Variants in CFH observed in about 807,000 individuals in gnomAD.
CFH encodes the protein H factor 1 (complement).
CFH carries 53 observed loss-of-function variants against 147.3 expected under a neutral mutation model. That is an observed-to-expected ratio of 0.36 (90% CI 0.29 to 0.45). The LOEUF (loss-of-function observed/expected upper bound fraction) is 0.45, where lower values mean the gene tolerates loss of function less well. Ranked by LOEUF, CFH falls within the 20% of genes least tolerant of loss-of-function variation. The pLI, the probability that CFH is intolerant of heterozygous loss-of-function variation, is 1.00. For synonymous variants in CFH, 536 were observed against 489.4 expected (o/e 1.10, Z -1.26); for missense variants, 1,380 against 1,498.0 (o/e 0.92, Z 1.30).
intron 11 of CFH, among the ~76,000 whole-genome samples, chr1:196,717,422 A>G (rs1668897015): frequency 2.0e-5 from 3 of 152,168 alleles, no homozygotes. Flanking sequence ...TAATATCATT[A>G]TCAAAGTGAT....
At chr1:196,655,997 A>G (rs1412884716) in intron 1 of CFH, among the ~76,000 whole-genome samples, 2 of 152,220 alleles carry the variant, frequency 1.3e-5, no homozygotes, top group African/African-American at 4.8e-5. Flanking sequence ...TGGAAATGTA[A>G]TAGATAGAAA....
intron 6 of CFH, among the ~76,000 whole-genome samples, chr1:196,683,479 T>C (rs754845919): frequency 3.3e-5 from 5 of 151,722 alleles, no homozygotes; most frequent in Non-Finnish European, 5.9e-5. Flanking sequence ...AATTATAAAA[T>C]GGTATTTTAA....
At chr1:196,677,244 G>T in intron 4 of CFH, 1 of 447,372 alleles carries the variant, frequency 2.2e-6, no homozygotes, top group Non-Finnish European at 4.0e-6. Context: ...AGCTAGCATT[G>T]AAAGTAGTAA....
rs192401081 is a variant in CFH, at chr1:196,658,136, T to A, written c.58+5961T>A. 2.0e-3 allele frequency among the ~76,000 whole-genome samples: 311 copies of A among 152,202 alleles called. 4 individuals are homozygous for A. Among genetic ancestry groups the A allele is most frequent in the African/African-American group, 6.9e-3 (288 of 41,540 alleles). On this transcript the variant is annotated intron_variant, in intron 1 of 21. Coordinates refer to ENST00000367429, the MANE Select transcript of CFH (RefSeq NM_000186.4). ...TATTGATTTTTAGCTTTGACCAAAA[T>A]TATATAACTATTTTCCTCAAATTAT...
intron 11 of CFH, among the ~76,000 whole-genome samples, chr1:196,718,725 A>G (rs1573058524): frequency 1.3e-5 from 2 of 152,102 alleles, no homozygotes; most frequent in Non-Finnish European, 2.9e-5. Context: ...AGTCTTTCCA[A>G]TCACCAGACA....
intron 21 of CFH, among the ~76,000 whole-genome samples, chr1:196,746,765 GT>G (rs1653023804): frequency 6.6e-6 from 1 of 152,064 alleles, no homozygotes; most frequent in Non-Finnish European, 1.5e-5. Context: ...TTGATTCCAA[GT>G]TCTTATTCAT....
rs965883683 is a variant in CFH, at chr1:196,677,491, C to T, written c.443C>T (p.Pro148Leu). The change falls in exon 5 of 22, where the codon CCA (proline) becomes CTA (leucine). Residue 148 changes from proline (P) to leucine (L), a missense_variant. Pro to Leu is a moderately conservative substitution (Grantham distance 98). Coordinates refer to ENST00000367429, the MANE Select transcript of CFH (RefSeq NM_000186.4). ...TTTTCTTCAGTTGTGAAGTGTTTAC[C>T]AGTGACAGCACCAGAGAATGGAAAA... The part of the protein sequence containing the change: ...IPICEVVKCL[P>L]VTAPENGKIV... The T allele has an allele frequency of 6.2e-7, 1 of 1,612,694 alleles. No individual in the cohort carries two copies. The highest frequency in any genetic ancestry group is 2.2e-5 in the East Asian group (1 of 44,766).
intron 1 of CFH, among the ~76,000 whole-genome samples, chr1:196,656,469 T>C (rs1243572317): frequency 6.6e-6 from 1 of 152,148 alleles, no homozygotes; most frequent in East Asian, 1.9e-4. Context: ...AACAGAGTTT[T>C]AAGTGCACTA....
At chr1:196,686,726 A>G (rs1242633533) in intron 7 of CFH, among the ~76,000 whole-genome samples, 1 of 152,136 alleles carries the variant, frequency 6.6e-6, no homozygotes, top group Non-Finnish European at 1.5e-5. Context: ...TTGGCTTATG[A>G]CAATGTAGTT....
chr1:196,699,505 G>A (rs1384525710), intron 9 of CFH, among the ~76,000 whole-genome samples: 2 of 151,988 alleles, frequency 1.3e-5, no homozygotes, highest in Non-Finnish European at 2.9e-5. Context: ...CTCTCTAATA[G>A]TCTCTTTTCA....
In CFH at chr1:196,679,669, T is replaced by C; in HGVS notation, c.666T>C (p.Ser222=). ...ATGTTATAAATGGATCTCCTATATC[T>C]CAGAAGATTATTTATAAGGAGAATG... ...SPDVINGSPI[S]QKIIYKENER... Residue 222 remains serine, a synonymous_variant, in exon 6 of 22, where the codon TCT becomes TCC. Coordinates refer to ENST00000367429, the MANE Select transcript of CFH (RefSeq NM_000186.4). The C allele has an allele frequency of 6.2e-7, 1 of 1,607,674 alleles. No individual in the cohort carries two copies. Among genetic ancestry groups the C allele is most frequent in the Non-Finnish European group, 8.5e-7 (1 of 1,175,110 alleles).
At chr1:196,745,061 G>C (rs911478256) in intron 20 of CFH, among the ~76,000 whole-genome samples, 4 of 152,022 alleles carry the variant, frequency 2.6e-5, no homozygotes, top group Non-Finnish European at 5.9e-5. Flanking sequence ...ATCCCCTCGA[G>C]GAAAAGCATA....
At chr1:196,691,161 A>G (rs1455537737) in intron 9 of CFH, among the ~76,000 whole-genome samples, 1 of 151,862 alleles carries the variant, frequency 6.6e-6, no homozygotes, top group Non-Finnish European at 1.5e-5. Context: ...ATCAATATTA[A>G]TATGTACATT....
At chr1:196,665,735 G>A (rs148376960) in intron 1 of CFH, among the ~76,000 whole-genome samples, 3 of 152,254 alleles carry the variant, frequency 2.0e-5, no homozygotes, top group East Asian at 1.9e-4. Flanking sequence ...ACGCCCCCAC[G>A]TAGCTGGGAT....
chr1:196,744,694 C>T (rs1218563295), intron 20 of CFH, among the ~76,000 whole-genome samples: 1 of 152,134 alleles, frequency 6.6e-6, no homozygotes, highest in Non-Finnish European at 1.5e-5. Context: ...ATTAAACTCA[C>T]TTGCTTCAAA....
chr1:196,692,771 T>TC lies in CFH; in HGVS notation c.1336+2532_1336+2533insC, dbSNP rs1281876963. 1.3e-3 allele frequency among the ~76,000 whole-genome samples: 98 copies of TC among 73,058 alleles called. 3 individuals are homozygous for TC. The highest frequency in any genetic ancestry group is 3.6e-3 in the African/African-American group (64 of 18,016). The allele number at this position is 73,058 out of a possible 152,430, so 47.9% of individuals were successfully genotyped here. On this transcript the variant is annotated intron_variant, in intron 9 of 21. Coordinates refer to ENST00000367429, the MANE Select transcript of CFH (RefSeq NM_000186.4). ...TTTTCTTTCTTTCTTTCTTTCTTTC[T>TC]TTCTTTCTTTCTTTCTTTCTTTCTT...
At chr1:196,728,695 A>G (rs955858200) in intron 15 of CFH, among the ~76,000 whole-genome samples, 173 bp downstream of exon 15, 4 of 151,426 alleles carry the variant, frequency 2.6e-5, no homozygotes, top group Non-Finnish European at 4.4e-5. Context: ...TGCCCTGTGA[A>G]TTAGTTACCT....
chr1:196,704,707 C>T (rs1340565867), intron 9 of CFH, among the ~76,000 whole-genome samples: 1 of 152,188 alleles, frequency 6.6e-6, no homozygotes. Context: ...TGCATTTAGC[C>T]TCTGCTAATG....
At chr1:196,682,700 C>G (rs993439902) in intron 6 of CFH, among the ~76,000 whole-genome samples, 6 of 151,404 alleles carry the variant, frequency 4.0e-5, no homozygotes, top group Non-Finnish European at 8.9e-5. Context: ...ACATTTAGGA[C>G]TTATTTGAAG....
Sources: gnomAD v4.1 joint callset for allele counts (sites outside exome capture counted in the v4.1 genomes callset) on GRCh38, gnomAD v4.1.1 for gene constraint, MANE v1.5 for transcripts, NCBI Gene and HGNC (gene_info 2026-07-23, HGNC 2026-07-21) for gene names.